Variants in SETD1B observed in about 807,000 individuals in gnomAD.
SETD1B encodes SET domain containing 1B, histone lysine methyltransferase.
Under a neutral mutation model 148.0 loss-of-function variants are expected in SETD1B, and 7 were observed. The observed-to-expected ratio is 0.05, with a 90% confidence interval of 0.03 to 0.09. SETD1B has a LOEUF of 0.09. SETD1B is among the 10% of genes least tolerant of loss of function. The probability of loss-of-function intolerance (pLI) is 1.00; values close to 1 mark genes in which losing one functional copy is unlikely to be tolerated. For synonymous variants in SETD1B, 1,361 were observed against 1,186.5 expected, an observed-to-expected ratio of 1.15 and a Z score of -3.02; for missense variants, 2,155 against 2,729.9, an observed-to-expected ratio of 0.79 and a Z score of 4.69.
the SETD1B span, chr12:121,793,900 G>A: frequency 1.2e-5 from 4 of 338,954 alleles, no homozygotes; most frequent in South Asian, 8.3e-5. Flanking sequence ...CCAACCCACC[G>A]CCACCCTCCG....
intron 12 of SETD1B, among the ~76,000 whole-genome samples, chr12:121,824,808 G>A (rs748731228): frequency 5.3e-5 from 8 of 151,916 alleles, no homozygotes; most frequent in Non-Finnish European, 1.2e-4. Flanking sequence ...ATCTCTGGAG[G>A]TTGAAGCCAG....
At chr12:121,815,459 A>C (rs1592981682) in intron 7 of SETD1B, among the ~76,000 whole-genome samples, 1 of 145,296 alleles carries the variant, frequency 6.9e-6, no homozygotes, top group African/African-American at 2.6e-5. Context: ...GACTCCCCTC[A>C]CCTCCCCTCA....
the SETD1B span, among the ~76,000 whole-genome samples, chr12:121,790,285 C>G: frequency 6.6e-6 from 1 of 152,258 alleles, no homozygotes; most frequent in Admixed American, 6.5e-5. Context: ...GGCCACCAGT[C>G]GGGAAGATGC....
chr12:121,816,882 G>A (rs754830246), intron 7 of SETD1B, 151 bp from the exon 8 acceptor site: 8 of 682,758 alleles, frequency 1.2e-5, no homozygotes, highest in East Asian at 2.8e-5. Context: ...CGTGGGTAAC[G>A]GCATAGTGTG....
At position 121,830,092 on chromosome 12, in the gene SETD1B, G is replaced by A. The variant is rs778969593; in HGVS notation, c.5754G>A (p.Thr1918=). 56 of 1,551,196 alleles carry A rather than the reference G, an allele frequency of 3.6e-5. 1 individual carries two copies. In the South Asian group the frequency reaches 4.9e-4, roughly 14 times the overall value. ...CCAACTGCTATGCCAAGGTGATCAC[G>A]GTGGAGTCACAGAAGAAGATAGTCA... ...CNPNCYAKVI[T]VESQKKIVIY... is the part of the protein sequence containing the mutation. The change falls in exon 17 of 17, where the codon ACG becomes ACA. Residue 1918 remains threonine, a synonymous_variant. Transcript: ENST00000604567. The surrounding 1 kb of genome is among the most constrained non-coding windows in gnomAD (Gnocchi z 5.7).
chr12:121,824,887 C>T (rs1457705078), intron 12 of SETD1B, among the ~76,000 whole-genome samples: 1 of 150,992 alleles, frequency 6.6e-6, no homozygotes, highest in Non-Finnish European at 1.5e-5. Context: ...TGGTGGCGCA[C>T]GCCTGTAGCC....
intron 13 of SETD1B, 133 bp downstream of exon 13, chr12:121,825,499 G>GTT: frequency 4.1e-6 from 3 of 737,028 alleles, no homozygotes; most frequent in East Asian, 3.0e-5. Flanking sequence ...GGGTGCAAGT[G>GTT]GAAGGGGAGA....
chr12:121,814,417 T>A lies in SETD1B; in HGVS notation c.2202T>A (p.Pro734=). The A allele has an allele frequency of 2.2e-6, 3 of 1,365,560 alleles. No homozygotes were observed. Among genetic ancestry groups the A allele is most frequent in the Non-Finnish European group, 2.9e-6 (3 of 1,042,162 alleles). The allele number at this position is 1,365,560 out of a possible 1,614,324, so 84.6% of individuals were successfully genotyped here. ...CCCCACCACCCTTGCCAGCGCCGCC[T>A]GGAGTCCCGCCCCCACCCATCCTGC... ...TVPPPPLPAP[P]GVPPPPILPP... is the part of the protein sequence containing the mutation. The change falls in exon 7 of 17, where the codon CCT becomes CCA. Residue 734 remains proline (P), a synonymous_variant. Transcript: ENST00000604567.
At position 121,825,377 on chromosome 12, in the gene SETD1B, G is replaced by T. The variant is rs1459774701; in HGVS notation, c.5337+11G>T. 1 of 1,547,352 alleles carries T rather than the reference G, an allele frequency of 6.5e-7. No homozygotes were observed. The highest frequency in any genetic ancestry group is 1.2e-5 in the South Asian group (1 of 84,052). The stretch of plus-strand genomic sequence containing the variant: ...CCCGCAGACACCCAGGTACTGCCAG[G>T]GCTCCTGGACACATCAGAGCCTGCT... On this transcript the variant is annotated intron_variant, in intron 13 of 16. Transcript: ENST00000604567.
Position 121,809,469 on chromosome 12 carries a change from C to G in SETD1B, c.658-134C>G, listed in dbSNP as rs1236201121. On this transcript the variant is annotated intron_variant, in intron 5 of 16. Coordinates refer to ENST00000604567, the MANE Select transcript of SETD1B (RefSeq NM_001353345.2). Reference sequence around the variant, plus strand: ...CCTGACACTCCTCCTCAATCTCCCCCACTTCCATTCCTTATGCTGCAGTTC... The same window carrying G: ...CCTGACACTCCTCCTCAATCTCCCCGACTTCCATTCCTTATGCTGCAGTTC... 4.1e-6 allele frequency: 4 copies of G among 973,088 alleles called. No individual in the cohort carries two copies. The African/African-American group carries it at 6.6e-5, about 16-fold the overall frequency. The allele number at this position is 973,088 out of a possible 1,614,324, so 60.3% of individuals were successfully genotyped here.
In SETD1B at chr12:121,819,809, G is replaced by A. The variant is rs1225987888; in HGVS notation, c.3824G>A (p.Ser1275Asn). 14 of 1,551,606 alleles carry A rather than the reference G, an allele frequency of 9.0e-6. No individual in the cohort carries two copies. The South Asian group carries it at 1.5e-4, about 17-fold the overall frequency. Reference protein sequence around the residue: ...SREPPEEPGLSQEGAMLLSPE... With the variant: ...SREPPEEPGLNQEGAMLLSPE... ...GAGCCGCCTGAGGAACCAGGCCTGA[G>A]CCAGGAAGGGGCCATGTTGCTGTCT... Residue 1275 changes from serine (S) to asparagine (N), a missense_variant, in exon 11 of 17, where the codon AGC becomes AAC. Around this residue, in one of 11 missense-constraint regions of SETD1B, gnomAD observed 862 missense variants for 873.8 expected, o/e 0.99. Coordinates refer to ENST00000604567, the MANE Select transcript of SETD1B (RefSeq NM_001353345.2).
intron 11 of SETD1B, 131 bp from the exon 12 acceptor site, chr12:121,822,351 GAGGGGTTT>G: frequency 1.0e-6 from 1 of 981,456 alleles, no homozygotes; most frequent in Admixed American, 2.9e-5. Context: ...AGGAGTCCTT[GAGGGGTTT>G]AGCTGGAGAA....
chr12:121,812,676 C>G (rs189995259), intron 6 of SETD1B, among the ~76,000 whole-genome samples: 1 of 152,094 alleles, frequency 6.6e-6, no homozygotes, highest in Non-Finnish European at 1.5e-5. Flanking sequence ...CAGGACTGAT[C>G]TGGGGAGTGC....
intron 13 of SETD1B, among the ~76,000 whole-genome samples, chr12:121,827,257 A>G (rs2242260): frequency 0.41 from 62,766 of 151,952 alleles, 15,594 homozygotes; most frequent in Middle Eastern, 0.6. Context: ...GTCAGGGTAG[A>G]CAAAACTTTC....
chr12:121,812,709 C>T (rs1017994658), intron 6 of SETD1B, among the ~76,000 whole-genome samples: 7 of 152,068 alleles, frequency 4.6e-5, no homozygotes, highest in African/African-American at 1.2e-4. Flanking sequence ...CACCCGAGCC[C>T]GTCTGTCTCT....
chr12:121,797,763 C>T, the SETD1B span: 3,987 of 362,948 alleles, frequency 0.011, 71 homozygotes, highest in Middle Eastern at 0.028. Context: ...CAGAGGGTAA[C>T]GTGAGAGCAA....
In SETD1B at chr12:121,817,975, T is replaced by C; in HGVS notation, c.3418+71T>C. 7.1e-7 allele frequency: 1 copy of C among 1,404,286 alleles called. No homozygotes were observed. Among genetic ancestry groups the C allele is most frequent in the Non-Finnish European group, 9.5e-7 (1 of 1,053,012 alleles). 87.0% of individuals were successfully genotyped at this position (1,404,286 alleles called of 1,614,324 possible). On this transcript the variant is annotated intron_variant, in intron 10 of 16. Coordinates refer to ENST00000604567, the MANE Select transcript of SETD1B (RefSeq NM_001353345.2). The surrounding 1 kb of genome is among the most constrained non-coding windows in gnomAD (Gnocchi z 8.1). ...TTCCCCGGGGCAGAGCCTGAGCAAT[T>C]GTCAGAAATACTTCTGAGCCAAAAT...
the SETD1B span, among the ~76,000 whole-genome samples, chr12:121,796,474 G>C: frequency 6.6e-6 from 1 of 152,212 alleles, no homozygotes; most frequent in African/African-American, 2.4e-5. Flanking sequence ...GCCCCAGTGA[G>C]GCTGGAGGCA....
At position 121,810,862 on chromosome 12, in the gene SETD1B, G is replaced by C; in HGVS notation, c.1890+27G>C. 2 of 1,462,534 alleles carry C rather than the reference G, an allele frequency of 1.4e-6. No individual in the cohort carries two copies. Among genetic ancestry groups the C allele is most frequent in the Non-Finnish European group, 1.8e-6 (2 of 1,102,054 alleles). The allele number at this position is 1,462,534 out of a possible 1,614,324, so 90.6% of individuals were successfully genotyped here. Reference sequence around the variant, plus strand: ...TACCACCGTGTCTGTCCATCTGTCTGGGACTGGTTTTGTCTATCTTGTATC... The same window carrying C: ...TACCACCGTGTCTGTCCATCTGTCTCGGACTGGTTTTGTCTATCTTGTATC... On this transcript the variant is annotated intron_variant, in intron 6 of 16. Coordinates refer to ENST00000604567, the MANE Select transcript of SETD1B (RefSeq NM_001353345.2). The surrounding 1 kb of genome is among the most constrained non-coding windows in gnomAD (Gnocchi z 7.6).
Sources: allele counts gnomAD v4.1 joint callset (sites outside exome capture counted in the v4.1 genomes callset), GRCh38; gene constraint gnomAD v4.1.1; regional missense constraint gnomAD v4.1.1; non-coding constraint Gnocchi (gnomAD v3.1); transcripts MANE v1.5; gene names NCBI Gene and HGNC (gene_info 2026-07-23, HGNC 2026-07-21).